Variants in KASH5 observed in about 807,000 individuals in gnomAD.
KASH5 encodes protein KASH5.
In KASH5, 72 loss-of-function variants were observed where a neutral mutation model predicts 84.2. The observed-to-expected ratio is 0.85, with a 90% CI of 0.71 to 1.04. The LOEUF is 1.04. KASH5 is among the 50% of genes least tolerant of loss of function. KASH5 has a pLI of 0.00. For missense variants in KASH5, 650 were observed against 701.0 expected, an observed-to-expected ratio of 0.93 and a Z score of 0.82; for synonymous variants, 260 against 279.1, an observed-to-expected ratio of 0.93 and a Z score of 0.68.
chr19:49,415,401 C>A, intron 17 of KASH5: 1 of 318,350 alleles, frequency 3.1e-6, no homozygotes, highest in African/African-American at 2.2e-5. Context: ...AGCCCCCCTG[C>A]CTGCAGCCAC....
chr19:49,396,280 G>T (rs1259440339), intron 5 of KASH5, among the ~76,000 whole-genome samples: 3 of 119,164 alleles, frequency 2.5e-5, no homozygotes, highest in African/African-American at 6.7e-5. Flanking sequence ...TGAGATAAGA[G>T]TTTCACTCCT....
intron 9 of KASH5, among the ~76,000 whole-genome samples, chr19:49,404,186 G>A (rs1974453825): frequency 6.6e-6 from 1 of 152,218 alleles, no homozygotes; most frequent in African/African-American, 2.4e-5. Context: ...GCTGATGGAG[G>A]ACTTGGAGCT....
intron 9 of KASH5, among the ~76,000 whole-genome samples, chr19:49,402,907 AGAAGAAGGTGGTCTCTGG>A (rs60682297): frequency 0.52 from 77,809 of 150,218 alleles, 20,227 homozygotes; most frequent in South Asian, 0.65. Flanking sequence ...CCAGAGGTTT[AGAAGAAGGTGGTCTCTGG>A]GAAGAAGGTG....
At chr19:49,415,123 T>G in intron 17 of KASH5, 127 bp downstream of exon 17, 3 of 953,048 alleles carry the variant, frequency 3.1e-6, no homozygotes, top group Middle Eastern at 4.2e-4. Flanking sequence ...GAAAAATCAT[T>G]TGGCCAAGAG....
chr19:49,400,902 A>G (rs964482245), intron 9 of KASH5, among the ~76,000 whole-genome samples: 1 of 152,092 alleles, frequency 6.6e-6, no homozygotes, highest in Non-Finnish European at 1.5e-5. Context: ...CAAACTCATC[A>G]ATTGACAATG....
chr19:49,399,653 A>T lies in KASH5; in HGVS notation c.798+146A>T. ...AGTGTGGGAATGTCCCTGAGGTTAT[A>T]TCACACTGTGAGAACAGCCGTGGTT... On this transcript the variant is annotated intron_variant, in intron 9 of 19. Coordinates refer to ENST00000447857, the MANE Select transcript of KASH5 (RefSeq NM_144688.5). The surrounding 1 kb of genome is among the most constrained non-coding windows in gnomAD (Gnocchi z 4.4). 6.6e-7 allele frequency: 1 copy of T among 1,507,586 alleles called. No homozygotes were observed. The highest frequency in any genetic ancestry group is 2.1e-5 in the Admixed American group (1 of 48,716). The allele number at this position is 1,507,586 out of a possible 1,614,324, so 93.4% of individuals were successfully genotyped here.
In KASH5 at chr19:49,410,819, C is replaced by CA. The variant is rs1974686447; in HGVS notation, c.1269+945dup. Among the ~76,000 whole-genome samples, 4 of 151,588 alleles carry CA rather than the reference C, an allele frequency of 2.6e-5. No individual in the cohort carries two copies. In the South Asian group the frequency reaches 8.3e-4, roughly 32 times the overall value. ...AAATTTTTTTATAGAGTTGAGATCT[C>CA]ACTGTGTTGTCCAGACTGGTCTCAA... On this transcript the variant is annotated intron_variant, in intron 15 of 19. Transcript: ENST00000447857.
intron 9 of KASH5, among the ~76,000 whole-genome samples, chr19:49,405,173 C>T (rs1436828789): frequency 1.3e-5 from 2 of 152,078 alleles, no homozygotes; most frequent in Non-Finnish European, 2.9e-5. Context: ...AAAAGGAGCA[C>T]AGGCCCGGTG....
At chr19:49,403,909 C>G (rs1234889684) in intron 9 of KASH5, among the ~76,000 whole-genome samples, 3 of 152,230 alleles carry the variant, frequency 2.0e-5, no homozygotes, top group Non-Finnish European at 4.4e-5. Flanking sequence ...AGATTGAGTT[C>G]TCAAGTTACA....
rs1347592609 is a variant in KASH5, at chr19:49,412,935, A to G, written c.1270-33A>G. Reference sequence around the variant, plus strand: ...AGGGTTGGAGCTTTGAGTGAGAAGAATCAGAGAAGAACTAACCTTTTTGTT... The same window carrying G: ...AGGGTTGGAGCTTTGAGTGAGAAGAGTCAGAGAAGAACTAACCTTTTTGTT... On this transcript the variant is annotated intron_variant, in intron 15 of 19. Coordinates refer to ENST00000447857, the MANE Select transcript of KASH5 (RefSeq NM_144688.5). The surrounding 1 kb of genome is among the most constrained non-coding windows in gnomAD (Gnocchi z 4.6). The G allele has an allele frequency of 6.2e-7, 1 of 1,611,674 alleles. No individual in the cohort carries two copies. Among genetic ancestry groups the G allele is most frequent in the East Asian group, 2.2e-5 (1 of 44,854 alleles).
Position 49,395,897 on chromosome 19 carries a change from AC to A in KASH5, c.400+67del. 7.2e-7 allele frequency: 1 copy of A among 1,391,086 alleles called. No individual in the cohort carries two copies. The highest frequency in any genetic ancestry group is 9.9e-7 in the Non-Finnish European group (1 of 1,009,998). The allele number at this position is 1,391,086 out of a possible 1,614,324, so 86.2% of individuals were successfully genotyped here. A position where few individuals can be genotyped will look rare whatever the true frequency, so the allele number is the denominator to read the frequency against. On this transcript the variant is annotated intron_variant, in intron 5 of 19. Transcript: ENST00000447857. The surrounding 1 kb of genome is among the most constrained non-coding windows in gnomAD (Gnocchi z 4.4). ...GGGTCAGACAGTGTGGGGACTTACCACCCAGGGCAGAGCAAGGGATAGGGTA... is the reference window on the plus strand; with the variant it reads ...GGGTCAGACAGTGTGGGGACTTACCACCAGGGCAGAGCAAGGGATAGGGTA...
At position 49,412,862 on chromosome 19, in the gene KASH5, T is replaced by G. The variant is rs1001227303; in HGVS notation, c.1270-106T>G. 6.2e-6 allele frequency: 7 copies of G among 1,122,670 alleles called. No homozygotes were observed. Among genetic ancestry groups the G allele is most frequent in the East Asian group, 2.4e-5 (1 of 40,902 alleles). The allele number at this position is 1,122,670 out of a possible 1,614,324, so 69.5% of individuals were successfully genotyped here. On this transcript the variant is annotated intron_variant, in intron 15 of 19. Coordinates refer to ENST00000447857, the MANE Select transcript of KASH5 (RefSeq NM_144688.5). This position sits in a 1 kb window ranked among gnomAD's most constrained non-coding sequence, Gnocchi z 4.6. The stretch of plus-strand genomic sequence containing the variant: ...TGTGTAGGTTGCAGCCTGGAAGACC[T>G]TTTGTATATGGGGTCTGGGACCGGC...
chr19:49,404,152 G>C (rs901418633), intron 9 of KASH5, among the ~76,000 whole-genome samples: 1 of 152,162 alleles, frequency 6.6e-6, no homozygotes, highest in Non-Finnish European at 1.5e-5. Flanking sequence ...GGCAGCCCAG[G>C]CCCACTGAGA....
rs1004266876 is a variant in KASH5 at position 49,413,044 on chromosome 19, C to G, written c.1328+18C>G. On this transcript the variant is annotated intron_variant, in intron 16 of 19. Transcript: ENST00000447857. ...TCCATGTGGTAAGGAGCTGAGCCAT[C>G]CGTCTGCCTCAGGGTGACACCTTAT... 3.1e-6 allele frequency: 5 copies of G among 1,609,996 alleles called. No homozygotes were observed. The Admixed American group carries it at 8.3e-5, about 27-fold the overall frequency.
chr19:49,413,004 G>A lies in KASH5; in HGVS notation c.1306G>A (p.Gly436Arg). Residue 436 changes from glycine to arginine, a missense_variant, in exon 16 of 20, where the codon GGA (glycine) becomes AGA (arginine). Gly to Arg is a moderately radical substitution (Grantham distance 125). Transcript: ENST00000447857. ...GGGAGAGCCAGCGCACCCTGAAGAA[G>A]GAAGGAAGGAGCCATCCATGTGGTA... is the stretch of plus-strand genomic sequence containing the variant. Reference protein sequence around the residue: ...FQGEPAHPEEGRKEPSMWLTR... With the variant: ...FQGEPAHPEERRKEPSMWLTR... The A allele has an allele frequency of 6.2e-7, 1 of 1,613,154 alleles. No individual in the cohort carries two copies. The highest frequency in any genetic ancestry group is 8.5e-7 in the Non-Finnish European group (1 of 1,179,778).
At position 49,412,115 on chromosome 19, in the gene KASH5, T is replaced by C. The variant is rs1568623279; in HGVS notation, c.1270-853T>C. ...GGGCCAGATCATGAAAGGAAATCTC[T>C]GACAAGCTAACAGATTGTACTTTTC... On this transcript the variant is annotated intron_variant, in intron 15 of 19. Coordinates refer to ENST00000447857, the MANE Select transcript of KASH5 (RefSeq NM_144688.5). This position sits in a 1 kb window ranked among gnomAD's most constrained non-coding sequence, Gnocchi z 4.6. Among the ~76,000 whole-genome samples, 1 of 152,100 alleles carries C rather than the reference T, an allele frequency of 6.6e-6. No individual in the cohort carries two copies. The highest frequency in any genetic ancestry group is 1.5e-5 in the Non-Finnish European group (1 of 67,998).
rs1974555447 is a variant in KASH5 at position 49,407,243 on chromosome 19, C to A, written c.880C>A (p.Gln294Lys). The change falls in exon 11 of 20, where the codon CAG becomes AAG. Residue 294 changes from glutamine to lysine, a missense_variant. Transcript: ENST00000447857. ...LAMEKDTLKR[Q>K]LFECEHLICQ... The stretch of plus-strand genomic sequence containing the variant: ...GGACCGGCTCCTTTCTTGGCAGCGG[C>A]AGCTCTTTGAGTGTGAACACCTCAT... 1 of 1,613,544 alleles carries A rather than the reference C, an allele frequency of 6.2e-7. No individual in the cohort carries two copies. The highest frequency in any genetic ancestry group is 1.6e-4 in the Middle Eastern group (1 of 6,062).
At chr19:49,392,400 G>A (rs1974032403) in intron 2 of KASH5, among the ~76,000 whole-genome samples, 1 of 152,110 alleles carries the variant, frequency 6.6e-6, no homozygotes. Flanking sequence ...AGACATAGAG[G>A]AGATAGAGAC....
chr19:49,412,316 G>A lies in KASH5; in HGVS notation c.1270-652G>A, dbSNP rs1158653073. 6.6e-6 allele frequency among the ~76,000 whole-genome samples: 1 copy of A among 152,028 alleles called. No individual in the cohort carries two copies. The highest frequency in any genetic ancestry group is 1.5e-5 in the Non-Finnish European group (1 of 68,000). ...GACAGACAGACATAATTGGGGTGGA[G>A]GGACAGAGCAGGGGTCAGACGGGAT... is the stretch of plus-strand genomic sequence containing the variant. On this transcript the variant is annotated intron_variant, in intron 15 of 19. Coordinates refer to ENST00000447857, the MANE Select transcript of KASH5 (RefSeq NM_144688.5). The surrounding 1 kb of genome is among the most constrained non-coding windows in gnomAD (Gnocchi z 4.6).
Sources: allele counts gnomAD v4.1 joint callset (sites outside exome capture counted in the v4.1 genomes callset), GRCh38; gene constraint gnomAD v4.1.1; non-coding constraint Gnocchi (gnomAD v3.1); transcripts MANE v1.5; gene names NCBI Gene and HGNC (gene_info 2026-07-23, HGNC 2026-07-21).